The following ANO4 variants were observed in gnomAD, a reference collection of about 807,000 sequenced individuals.
The protein encoded by ANO4 is anoctamin-4.
A neutral mutation model predicts 141.9 loss-of-function variants in ANO4; 69 were observed. The ratio of observed to expected loss-of-function variants is 0.49; its 90% CI spans 0.40 to 0.59. ANO4 has a LOEUF of 0.59. Ranked by LOEUF, ANO4 falls within the 20% of genes least tolerant of loss-of-function variation. The pLI is 0.00. For missense variants in ANO4, 894 were observed against 1,162.2 expected (o/e 0.77, Z 3.36); for synonymous variants, 350 against 394.3 (o/e 0.89, Z 1.33).
At chr12:100,773,182 A>G (rs12812353) in intron 3 of ANO4, among the ~76,000 whole-genome samples, 49,864 of 152,118 alleles carry the variant, frequency 0.33, 9,178 homozygotes, top group East Asian at 0.52. Context: ...GTGTCCTCAC[A>G]TGGTAGATGG....
At chr12:100,778,081 G>A (rs972577660) in intron 3 of ANO4, among the ~76,000 whole-genome samples, 3 of 151,928 alleles carry the variant, frequency 2.0e-5, no homozygotes, top group African/African-American at 7.2e-5. Flanking sequence ...CACCATGCCC[G>A]GCTAATTTTT....
intron 2 of ANO4, among the ~76,000 whole-genome samples, chr12:100,736,146 G>A (rs541561760): frequency 2.0e-5 from 3 of 152,234 alleles, no homozygotes; most frequent in Non-Finnish European, 2.9e-5. Context: ...AGTGGGTGGC[G>A]GGATGGGAGC....
intron 10 of ANO4, among the ~76,000 whole-genome samples, chr12:101,037,364 TAAATC>T (rs1031898659): frequency 2.0e-5 from 3 of 152,198 alleles, no homozygotes; most frequent in Non-Finnish European, 4.4e-5. Flanking sequence ...CGAGAATACT[TAAATC>T]AATAGTCATG....
At position 101,048,323 on chromosome 12, in the gene ANO4, G is replaced by C. The variant is rs752536227; in HGVS notation, c.1252-18G>C. 6.2e-7 allele frequency: 1 copy of C among 1,612,100 alleles called. No homozygotes were observed. The highest frequency in any genetic ancestry group is 8.5e-7 in the Non-Finnish European group (1 of 1,178,716). On this transcript the variant is annotated intron_variant, in intron 13 of 27. Coordinates refer to ENST00000392977, the MANE Select transcript of ANO4 (RefSeq NM_001286615.2). ...ATATATGAGAAATTAACTCAGCACC[G>C]ATTCTTATTATTCACAGGTAACCCA... is the stretch of plus-strand genomic sequence containing the variant.
intron 17 of ANO4, among the ~76,000 whole-genome samples, chr12:101,088,063 C>T (rs1233619583): frequency 6.6e-6 from 1 of 151,470 alleles, no homozygotes; most frequent in Non-Finnish European, 1.5e-5. Context: ...CTCTCTCTCA[C>T]AGTAAAAGCC....
At chr12:100,722,434 C>T (rs1299477582) in intron 1 of ANO4, among the ~76,000 whole-genome samples, 1 of 152,134 alleles carries the variant, frequency 6.6e-6, no homozygotes, top group Non-Finnish European at 1.5e-5. Context: ...GCCTTTGACC[C>T]TAGCATCCCA....
At chr12:100,781,981 A>G (rs1246345395) in intron 3 of ANO4, among the ~76,000 whole-genome samples, 4 of 152,204 alleles carry the variant, frequency 2.6e-5, no homozygotes, top group Non-Finnish European at 5.9e-5. Flanking sequence ...TGTGAGTCTC[A>G]TTGGCAATCT....
chr12:100,898,594 A>G (rs2040449980), intron 1 of ANO4, among the ~76,000 whole-genome samples: 1 of 152,168 alleles, frequency 6.6e-6, no homozygotes, highest in African/African-American at 2.4e-5. Flanking sequence ...GATCTACATT[A>G]TTATATTTTA....
intron 1 of ANO4, among the ~76,000 whole-genome samples, chr12:100,851,699 G>A (rs2037879429): frequency 6.6e-6 from 1 of 152,238 alleles, no homozygotes; most frequent in South Asian, 2.1e-4. Context: ...TCAGGTGGTG[G>A]GAAATGCAGA....
rs564660429 is a variant in ANO4 at position 101,000,956 on chromosome 12, TAACA to T, written c.734+13291_734+13294del. Among the ~76,000 whole-genome samples the T allele has an allele frequency of 3.3e-3, 504 of 152,370 alleles. 3 individuals are homozygous for T. The highest frequency in any genetic ancestry group is 0.011 in the African/African-American group (464 of 41,584). ...TTTTCTGCTTATCAGTTCATTCATTTAACAAACACTTTCAATGCCTATTATGTGC... is the reference window on the plus strand; with the variant it reads ...TTTTCTGCTTATCAGTTCATTCATTTAACACTTTCAATGCCTATTATGTGC... On this transcript the variant is annotated intron_variant, in intron 8 of 27. Coordinates refer to ENST00000392977, the MANE Select transcript of ANO4 (RefSeq NM_001286615.2).
At chr12:100,912,671 G>A (rs1380592748) in intron 2 of ANO4, among the ~76,000 whole-genome samples, 5 of 152,284 alleles carry the variant, frequency 3.3e-5, no homozygotes, top group African/African-American at 1.2e-4. Flanking sequence ...ACACTTTATT[G>A]AGAAGTGTGG....
intron 3 of ANO4, among the ~76,000 whole-genome samples, chr12:100,757,712 C>CAA (rs2032674691): frequency 1.3e-5 from 2 of 152,348 alleles, no homozygotes; most frequent in Middle Eastern, 3.4e-3. Flanking sequence ...AACCTGCCTA[C>CAA]TGTTCTTTGT....
chr12:100,965,872 T>C (rs1013119866), intron 5 of ANO4, among the ~76,000 whole-genome samples: 6 of 152,148 alleles, frequency 3.9e-5, no homozygotes, highest in African/African-American at 1.4e-4. Flanking sequence ...TTTTACATCA[T>C]GCTTATTTGT....
chr12:100,765,379 C>CTTTT (rs71091461), intron 3 of ANO4, among the ~76,000 whole-genome samples: 24 of 125,360 alleles, frequency 1.9e-4, no homozygotes, highest in East Asian at 4.4e-4. Flanking sequence ...TTCTTTCTTT[C>CTTTT]TTTTTTTTTT....
At chr12:101,017,861 T>C (rs1486945319) in intron 8 of ANO4, among the ~76,000 whole-genome samples, 2 of 152,226 alleles carry the variant, frequency 1.3e-5, no homozygotes, top group African/African-American at 4.8e-5. Context: ...GCCCTGTGTG[T>C]GTATTCCTCT....
At chr12:100,732,908 T>C (rs1256506222) in intron 1 of ANO4, among the ~76,000 whole-genome samples, 1 of 152,206 alleles carries the variant, frequency 6.6e-6, no homozygotes, top group African/African-American at 2.4e-5. Flanking sequence ...TGCCCCCCTC[T>C]GCCTAGAACA....
Position 100,922,318 on chromosome 12 carries a change from G to A in ANO4, c.148G>A (p.Ala50Thr). 2 of 1,529,200 alleles carry A rather than the reference G, an allele frequency of 1.3e-6. No individual in the cohort carries two copies. The highest frequency in any genetic ancestry group is 1.7e-6 in the Non-Finnish European group (2 of 1,144,636). The allele number at this position is 1,529,200 out of a possible 1,614,324, so 94.7% of individuals were successfully genotyped here. ...SDVDFSEILN[A>T]IQEMAKDVNI... Reference sequence around the variant, plus strand: ...TGTGGACTTTTCAGAGATTCTTAATGCAATACAAGAAAGTAAGTTTCACTC... The same window carrying A: ...TGTGGACTTTTCAGAGATTCTTAATACAATACAAGAAAGTAAGTTTCACTC... The change falls in exon 3 of 28, where the codon GCA becomes ACA. Residue 50 changes from alanine to threonine, a missense_variant. Around this residue, in one of 2 missense-constraint regions of ANO4, gnomAD observed 257 missense variants for 253.0 expected, o/e 1.02. Coordinates refer to ENST00000392977, the MANE Select transcript of ANO4 (RefSeq NM_001286615.2).
intron 1 of ANO4, among the ~76,000 whole-genome samples, chr12:100,724,986 C>T (rs550105417): frequency 7.9e-5 from 12 of 152,252 alleles, no homozygotes; most frequent in Admixed American, 4.6e-4. Context: ...AAATCAGATG[C>T]AGTAAGTAGT....
rs180815833 is a variant in ANO4, at chr12:100,889,817, G to A, written c.-140-11829G>A. Among the ~76,000 whole-genome samples the A allele has an allele frequency of 5.3e-5, 8 of 152,246 alleles. No homozygotes were observed. The East Asian group carries it at 5.8e-4, about 11-fold the overall frequency. On this transcript the variant is annotated intron_variant, in intron 1 of 27. Coordinates refer to ENST00000392977, the MANE Select transcript of ANO4 (RefSeq NM_001286615.2). Reference sequence around the variant, plus strand: ...GATGTAAACTAGTTCAACACTTAATGTTCTATATCCTCATAAATCAGTGTT... The same window carrying A: ...GATGTAAACTAGTTCAACACTTAATATTCTATATCCTCATAAATCAGTGTT...
Sources: allele counts gnomAD v4.1 joint callset (sites outside exome capture counted in the v4.1 genomes callset), GRCh38; gene constraint gnomAD v4.1.1; regional missense constraint gnomAD v4.1.1; transcripts MANE v1.5; gene names NCBI Gene and HGNC (gene_info 2026-07-23, HGNC 2026-07-21).